The following IL1RAPL2 variants were observed in gnomAD, a reference collection of about 807,000 sequenced individuals.
IL1RAPL2 encodes X-linked interleukin-1 receptor accessory protein-like 2.
A neutral mutation model predicts 44.1 loss-of-function variants in IL1RAPL2; 3 were observed. The observed-to-expected ratio is 0.07, with a 90% CI of 0.03 to 0.18. IL1RAPL2 has a LOEUF of 0.18. Ranked by LOEUF, IL1RAPL2 falls within the 10% of genes least tolerant of loss-of-function variation. The probability of loss-of-function intolerance (pLI) is 1.00; values close to 1 mark genes in which losing one functional copy is unlikely to be tolerated. For synonymous variants in IL1RAPL2, 181 were observed against 178.8 expected, an observed-to-expected ratio of 1.01 and a Z score of -0.10; for missense variants, 391 against 496.4, an observed-to-expected ratio of 0.79 and a Z score of 2.02.
chrX:105,206,804 TA>T (rs782141531), intron 3 of IL1RAPL2, among the ~76,000 whole-genome samples: 14 of 112,027 alleles, frequency 1.2e-4, no homozygotes, highest in African/African-American at 4.5e-4. Flanking sequence ...CAGAAGTGCT[TA>T]AAAGTTGTTT....
chrX:105,701,801 G>C (rs193231352), intron 6 of IL1RAPL2, among the ~76,000 whole-genome samples: 106 of 111,720 alleles, frequency 9.5e-4, no homozygotes, highest in African/African-American at 3.3e-3. Context: ...TGTTGTTGAT[G>C]GTTGTTTGCT....
At chrX:105,373,499 T>C (rs1569430749) in intron 5 of IL1RAPL2, among the ~76,000 whole-genome samples, 1 of 112,219 alleles carries the variant, frequency 8.9e-6, no homozygotes, top group East Asian at 2.8e-4. Flanking sequence ...TTTCTTTCAC[T>C]GTGAAGAAGC....
chrX:105,332,006 C>A (rs1487450002), intron 5 of IL1RAPL2, among the ~76,000 whole-genome samples: 2 of 109,480 alleles, frequency 1.8e-5, no homozygotes, highest in Non-Finnish European at 3.8e-5. Flanking sequence ...GGCAGAAGAA[C>A]CAGCACAAGT....
intron 2 of IL1RAPL2, among the ~76,000 whole-genome samples, chrX:104,971,965 G>C (rs751619677): frequency 5.4e-5 from 6 of 111,462 alleles, no homozygotes; most frequent in Non-Finnish European, 9.4e-5. Flanking sequence ...TGGTTATGGG[G>C]TGTGACTTTT....
intron 5 of IL1RAPL2, among the ~76,000 whole-genome samples, chrX:105,464,241 A>G (rs189417756): frequency 9.9e-4 from 111 of 112,319 alleles, no homozygotes; most frequent in African/African-American, 3.5e-3. Context: ...GGCATTTTAC[A>G]TATGTTATCT....
rs191214124 is a variant in IL1RAPL2 at position 105,659,715 on chromosome X, G to T, written c.773-57652G>T. 9.9e-3 allele frequency among the ~76,000 whole-genome samples: 1,076 copies of T among 108,325 alleles called. 45 individuals are homozygous for T. In the East Asian group the frequency reaches 0.12, roughly 12 times the overall value. The allele number at this position is 108,325 out of a possible 115,157, so 94.1% of individuals were successfully genotyped here. On this transcript the variant is annotated intron_variant, in intron 6 of 10. Coordinates refer to ENST00000372582, the MANE Select transcript of IL1RAPL2 (RefSeq NM_017416.2). Reference sequence around the variant, plus strand: ...AAAGAATAAAAAAAATTCTGGAGCTGAAAAATGTAATTGACATACAGAAGA... The same window carrying T: ...AAAGAATAAAAAAAATTCTGGAGCTTAAAAATGTAATTGACATACAGAAGA...
chrX:105,150,010 C>A (rs900808199), intron 2 of IL1RAPL2, among the ~76,000 whole-genome samples: 2 of 110,391 alleles, frequency 1.8e-5, no homozygotes, highest in African/African-American at 6.6e-5. Context: ...AACACAAGTT[C>A]CTTTCAAAAT....
chrX:104,584,902 G>C (rs911440151), intron 1 of IL1RAPL2, among the ~76,000 whole-genome samples: 1 of 109,792 alleles, frequency 9.1e-6, no homozygotes, highest in Non-Finnish European at 1.9e-5. Context: ...CTGTGCAGCA[G>C]AGGAAAAAAT....
At chrX:105,678,807 C>A (rs1310408833) in intron 6 of IL1RAPL2, among the ~76,000 whole-genome samples, 1 of 111,425 alleles carries the variant, frequency 9.0e-6, no homozygotes, top group Admixed American at 9.6e-5. Context: ...AGCAACAATT[C>A]TCTTGTCTTT....
At chrX:104,651,068 A>G (rs372242137) in intron 1 of IL1RAPL2, among the ~76,000 whole-genome samples, 1 of 112,203 alleles carries the variant, frequency 8.9e-6, no homozygotes, top group South Asian at 3.7e-4. Flanking sequence ...AATTATTATC[A>G]TCATAAAGTA....
At chrX:105,223,348 CG>C (rs1209337302) in intron 3 of IL1RAPL2, among the ~76,000 whole-genome samples, 1 of 111,079 alleles carries the variant, frequency 9.0e-6, no homozygotes, top group Non-Finnish European at 1.9e-5. Context: ...AGGACAGCAC[CG>C]TGGCCTGCCT....
chrX:104,834,750 G>A (rs1164551619), intron 2 of IL1RAPL2, among the ~76,000 whole-genome samples: 1 of 111,747 alleles, frequency 8.9e-6, no homozygotes, highest in Non-Finnish European at 1.9e-5. Context: ...CTCTTCTTGA[G>A]CACCACGACT....
intron 2 of IL1RAPL2, among the ~76,000 whole-genome samples, chrX:105,186,721 T>C (rs1375997415): frequency 5.4e-5 from 6 of 111,715 alleles, no homozygotes; most frequent in Non-Finnish European, 1.1e-4. Context: ...AATTAAAAAA[T>C]GAGCAATAAC....
intron 2 of IL1RAPL2, among the ~76,000 whole-genome samples, chrX:104,717,780 G>A (rs904598599): frequency 8.5e-5 from 9 of 105,264 alleles, no homozygotes; most frequent in Admixed American, 2.1e-4. Context: ...AACAGTCCCC[G>A]GTGTGTGATG....
intron 2 of IL1RAPL2, among the ~76,000 whole-genome samples, chrX:104,951,593 A>G (rs1388664526): frequency 4.4e-5 from 5 of 112,855 alleles, no homozygotes; most frequent in Non-Finnish European, 7.5e-5. Flanking sequence ...GTTTGGCTTA[A>G]CAGTTCAATT....
intron 6 of IL1RAPL2, among the ~76,000 whole-genome samples, chrX:105,628,753 G>A (rs1168186090): frequency 5.4e-5 from 6 of 111,403 alleles, no homozygotes; most frequent in South Asian, 3.8e-4. Context: ...AACTAGCCTG[G>A]CCAACATGGC....
chrX:105,443,508 C>T (rs970891382), intron 5 of IL1RAPL2, among the ~76,000 whole-genome samples: 4 of 111,769 alleles, frequency 3.6e-5, no homozygotes, highest in African/African-American at 1.3e-4. Context: ...CCCCCACTAC[C>T]TTTCCTAGCC....
chrX:105,032,856 A>G (rs897229402), intron 2 of IL1RAPL2, among the ~76,000 whole-genome samples: 11 of 110,864 alleles, frequency 9.9e-5, no homozygotes, highest in African/African-American at 1.3e-4. Flanking sequence ...ATTGTGTGGG[A>G]GTCTAAGTCT....
Position 104,870,351 on chromosome X carries a change from T to C in IL1RAPL2, c.82+211356T>C, listed in dbSNP as rs141179796. On this transcript the variant is annotated intron_variant, in intron 2 of 10. Coordinates refer to ENST00000372582, the MANE Select transcript of IL1RAPL2 (RefSeq NM_017416.2). ...AAAAGTGGTAGTAGGGTCACTCTAT[T>C]GCTTTGAAACATATTCCTATATTTA... Among the ~76,000 whole-genome samples the C allele has an allele frequency of 3.2e-4, 36 of 112,490 alleles. 1 individual carries two copies. The highest frequency in any genetic ancestry group is 5.8e-4 in the Non-Finnish European group (31 of 53,187).
Sources: gnomAD v4.1 joint callset for allele counts (sites outside exome capture counted in the v4.1 genomes callset) on GRCh38, gnomAD v4.1.1 for gene constraint, MANE v1.5 for transcripts, NCBI Gene and HGNC (gene_info 2026-07-23, HGNC 2026-07-21) for gene names.